The following HSPBAP1 variants were observed in gnomAD, a reference collection of about 807,000 sequenced individuals.
HSPBAP1 encodes the protein HSPB1-associated protein 1.
In HSPBAP1, 27 loss-of-function variants were observed where a neutral mutation model predicts 45.2. That is an observed-to-expected ratio of 0.60 (90% CI 0.44 to 0.82). The LOEUF (loss-of-function observed/expected upper bound fraction) is 0.82, where lower values mean the gene tolerates loss of function less well. Among genes scored for constraint, HSPBAP1 ranks in the 40% least tolerant of loss-of-function variants. The probability of loss-of-function intolerance (pLI) is 0.00; values close to 1 mark genes in which losing one functional copy is unlikely to be tolerated. For missense variants in HSPBAP1, 510 were observed against 590.9 expected, an observed-to-expected ratio of 0.86 and a Z score of 1.42; for synonymous variants, 204 against 202.7, an observed-to-expected ratio of 1.01 and a Z score of -0.06.
Position 122,752,617 on chromosome 3 carries a change from C to G in HSPBAP1, c.799G>C (p.Val267Leu). The stretch of plus-strand genomic sequence containing the variant: ...AGTTCAATCCATGAGTTTATACTGA[C>G]AGTGACAGGATCAATGGATTCTACG... ...HYVESIDPVT[V>L]SINSWIELEE... The change falls in exon 6 of 8, where the codon GTC becomes CTC. Residue 267 changes from valine (V) to leucine (L), a missense_variant. Val to Leu is a conservative substitution (Grantham distance 32). Coordinates refer to ENST00000306103, the MANE Select transcript of HSPBAP1 (RefSeq NM_024610.6). The G allele has an allele frequency of 6.3e-7, 1 of 1,595,978 alleles. No homozygotes were observed. Among genetic ancestry groups the G allele is most frequent in the Non-Finnish European group, 8.5e-7 (1 of 1,172,204 alleles).
chr3:122,778,300 A>G (rs1208451542), intron 1 of HSPBAP1, among the ~76,000 whole-genome samples: 1 of 151,062 alleles, frequency 6.6e-6, no homozygotes, highest in African/African-American at 2.4e-5. Flanking sequence ...TAAAAAGTAT[A>G]TATAGTTCCA....
At chr3:122,764,990 T>C (rs1311255957) in intron 3 of HSPBAP1, among the ~76,000 whole-genome samples, 6 of 152,202 alleles carry the variant, frequency 3.9e-5, no homozygotes, top group Admixed American at 3.9e-4. Flanking sequence ...GTAACATGTC[T>C]TGGACTTTAA....
chr3:122,747,856 C>T (rs1186839636), intron 6 of HSPBAP1, among the ~76,000 whole-genome samples: 3 of 152,090 alleles, frequency 2.0e-5, no homozygotes, highest in Non-Finnish European at 4.4e-5. Flanking sequence ...CCCCTGTGCC[C>T]GGCCGCCACC....
rs972062451 is a variant in HSPBAP1, at chr3:122,757,040, G to C, written c.570-1609C>G. Among the ~76,000 whole-genome samples, 5 of 152,138 alleles carry C rather than the reference G, an allele frequency of 3.3e-5. No individual in the cohort carries two copies. In the South Asian group the frequency reaches 1.0e-3, roughly 32 times the overall value. On this transcript the variant is annotated intron_variant, in intron 4 of 7. Transcript: ENST00000306103. ...GGTCACAGATCTCCTGGCTTCTCCA[G>C]ATCCCAGTTCCTTCCCCTGCACCAC...
intron 1 of HSPBAP1, among the ~76,000 whole-genome samples, chr3:122,789,123 C>T (rs1935744025): frequency 6.6e-6 from 1 of 152,164 alleles, no homozygotes; most frequent in Admixed American, 6.5e-5. Flanking sequence ...CCCTTTGCCC[C>T]TTTTAAAAAT....
chr3:122,792,784 T>C (rs1935873797), intron 1 of HSPBAP1, among the ~76,000 whole-genome samples: 1 of 151,790 alleles, frequency 6.6e-6, no homozygotes, highest in Non-Finnish European at 1.5e-5. Flanking sequence ...GGCAGAAGAA[T>C]TGCTTGAACC....
chr3:122,772,674 AAATT>A (rs2107526497), intron 2 of HSPBAP1, among the ~76,000 whole-genome samples: 1 of 152,236 alleles, frequency 6.6e-6, no homozygotes, highest in African/African-American at 2.4e-5. Context: ...AATTAGAAAA[AAATT>A]ATTAGAATAT....
intron 5 of HSPBAP1, chr3:122,754,884 G>A: frequency 1.0e-6 from 1 of 995,182 alleles, no homozygotes; most frequent in Non-Finnish European, 1.2e-6. Context: ...TCTGGGTTCA[G>A]TGCTATCATA....
intron 1 of HSPBAP1, among the ~76,000 whole-genome samples, chr3:122,783,816 AC>A (rs1397329746): frequency 3.4e-5 from 5 of 148,498 alleles, no homozygotes; most frequent in Non-Finnish European, 7.5e-5. Flanking sequence ...TGTTCCTGGT[AC>A]AGGGAGGGCA....
In HSPBAP1 at chr3:122,761,757, A is replaced by AGCCTGAGT. The variant is rs1217030964; in HGVS notation, c.433-2405_433-2398dup. Reference sequence around the variant, plus strand: ...AGCTATGTTTGCACCACAGCACTCCAGCCTGAGTGCCTGAGTGACAGAGCA... The same window carrying AGCCTGAGT: ...AGCTATGTTTGCACCACAGCACTCCAGCCTGAGTGCCTGAGTGCCTGAGTGACAGAGCA... On this transcript the variant is annotated intron_variant, in intron 3 of 7. Transcript: ENST00000306103. 2.0e-5 allele frequency: 3 copies of AGCCTGAGT among 149,754 alleles called. No individual in the cohort carries two copies. In the East Asian group the frequency reaches 5.9e-4, roughly 29 times the overall value. 9.3% of individuals were successfully genotyped at this position (149,754 alleles called of 1,614,324 possible). A position where few individuals can be genotyped will look rare whatever the true frequency, so the allele number is the denominator to read the frequency against.
chr3:122,776,916 T>C (rs947310136), intron 2 of HSPBAP1, among the ~76,000 whole-genome samples: 5 of 152,208 alleles, frequency 3.3e-5, no homozygotes, highest in Non-Finnish European at 7.3e-5. Context: ...AAGCTATTAA[T>C]AGATATTAAT....
At chr3:122,765,014 G>A (rs1304669078) in intron 3 of HSPBAP1, among the ~76,000 whole-genome samples, 1 of 152,204 alleles carries the variant, frequency 6.6e-6, no homozygotes, top group Non-Finnish European at 1.5e-5. Flanking sequence ...ATAGCTATGA[G>A]AGCATGTTGA....
intron 2 of HSPBAP1, among the ~76,000 whole-genome samples, chr3:122,771,799 G>A (rs1021748770): frequency 6.6e-6 from 1 of 152,172 alleles, no homozygotes; most frequent in Non-Finnish European, 1.5e-5. Flanking sequence ...ATTCAAAAAT[G>A]CCAATTATTA....
intron 6 of HSPBAP1, among the ~76,000 whole-genome samples, chr3:122,743,820 G>A (rs1000027824): frequency 6.6e-6 from 1 of 152,134 alleles, no homozygotes; most frequent in African/African-American, 2.4e-5. Context: ...ACAGGAAAGG[G>A]ATTGGGAAGA....
At position 122,757,362 on chromosome 3, in the gene HSPBAP1, T is replaced by C. The variant is rs141227142; in HGVS notation, c.569+1862A>G. Reference sequence around the variant, plus strand: ...CTCAAGGGGTCCTCTCTACACCCCATGCTTTCTCAGGGTCCCTCTGCCCTT... The same window carrying C: ...CTCAAGGGGTCCTCTCTACACCCCACGCTTTCTCAGGGTCCCTCTGCCCTT... On this transcript the variant is annotated intron_variant, in intron 4 of 7. Transcript: ENST00000306103. 1.5e-3 allele frequency among the ~76,000 whole-genome samples: 223 copies of C among 152,324 alleles called. 6 individuals carry two copies. The South Asian group carries it at 0.024, about 16-fold the overall frequency.
intron 5 of HSPBAP1, chr3:122,753,073 C>A: frequency 1.4e-6 from 1 of 711,044 alleles, no homozygotes; most frequent in Non-Finnish European, 1.7e-6. Flanking sequence ...AAAATCTAGC[C>A]AATGAGAAGA....
At chr3:122,756,906 G>C (rs1452500458) in intron 4 of HSPBAP1, among the ~76,000 whole-genome samples, 1 of 152,076 alleles carries the variant, frequency 6.6e-6, no homozygotes, top group African/African-American at 2.4e-5. Context: ...TGTTAGAGTT[G>C]GAAGGGCTCT....
intron 1 of HSPBAP1, among the ~76,000 whole-genome samples, chr3:122,778,895 T>A (rs1339653205): frequency 6.6e-6 from 1 of 152,180 alleles, no homozygotes; most frequent in Admixed American, 6.5e-5. Flanking sequence ...TTATCCTTCA[T>A]AGTTCATTGA....
chr3:122,744,869 A>C (rs1005552336), intron 6 of HSPBAP1, among the ~76,000 whole-genome samples: 4 of 152,258 alleles, frequency 2.6e-5, no homozygotes, highest in Non-Finnish European at 4.4e-5. Context: ...TTTACTCCAG[A>C]AATTAAGGAT....
Sources: gnomAD v4.1 joint callset for allele counts (sites outside exome capture counted in the v4.1 genomes callset) on GRCh38, gnomAD v4.1.1 for gene constraint, MANE v1.5 for transcripts, NCBI Gene and HGNC (gene_info 2026-07-23, HGNC 2026-07-21) for gene names.